The following CYB5A variants were observed in gnomAD, a reference collection of about 807,000 sequenced individuals.
The protein encoded by CYB5A is cytochrome b5 type A.
Under a neutral mutation model 16.2 loss-of-function variants are expected in CYB5A, and 10 were observed. The ratio of observed to expected loss-of-function variants is 0.62; its 90% CI spans 0.38 to 1.04. CYB5A has a LOEUF of 1.04. CYB5A is among the 50% of genes least tolerant of loss of function. CYB5A has a pLI of 0.01. For missense variants in CYB5A, 161 were observed against 165.9 expected, an observed-to-expected ratio of 0.97 and a Z score of 0.16; for synonymous variants, 62 against 57.0, an observed-to-expected ratio of 1.09 and a Z score of -0.40.
rs555355376 is a variant in CYB5A at position 74,284,252 on chromosome 18, A to AG, written c.129+7494_129+7495insC. On this transcript the variant is annotated intron_variant, in intron 1 of 4. Coordinates refer to ENST00000340533, the MANE Select transcript of CYB5A (RefSeq NM_148923.4). ...CATCTCCAAAAAAAAAAAAAAAAAA[A>AG]AGAGAGATTAAAAGCACAAACGCAA... 2.8e-4 allele frequency among the ~76,000 whole-genome samples: 42 copies of AG among 147,430 alleles called. No homozygotes were observed. In the East Asian group the frequency reaches 4.6e-3, roughly 16 times the overall value.
At chr18:74,286,343 C>G (rs1275482823) in intron 1 of CYB5A, among the ~76,000 whole-genome samples, 1 of 152,202 alleles carries the variant, frequency 6.6e-6, no homozygotes, top group Non-Finnish European at 1.5e-5. Context: ...CATTCCTGAA[C>G]AATTATATTT....
Position 74,253,534 on chromosome 18 carries a change from T to C in CYB5A, c.*50A>G. ...TGAAGTAGTTAGCAATGGCTTCTTT[T>C]CTCCCGTGTCCAAAGCAGGCTCTTC... is the stretch of plus-strand genomic sequence containing the variant. On this transcript the variant is annotated 3_prime_UTR_variant, in exon 5 of 5. Coordinates refer to ENST00000340533, the MANE Select transcript of CYB5A (RefSeq NM_148923.4). The C allele has an allele frequency of 8.2e-7, 1 of 1,226,010 alleles. No homozygotes were observed. Among genetic ancestry groups the C allele is most frequent in the Non-Finnish European group, 1.2e-6 (1 of 831,158 alleles). 75.9% of individuals were successfully genotyped at this position (1,226,010 alleles called of 1,614,324 possible). A position where few individuals can be genotyped will look rare whatever the true frequency, so the allele number is the denominator to read the frequency against.
intron 1 of CYB5A, among the ~76,000 whole-genome samples, chr18:74,277,408 A>C (rs1236258518): frequency 1.3e-5 from 2 of 152,166 alleles, no homozygotes; most frequent in African/African-American, 4.8e-5. Context: ...CATTTCACCT[A>C]GAAGGTCATG....
intron 1 of CYB5A, among the ~76,000 whole-genome samples, chr18:74,289,227 A>G (rs1983435833): frequency 6.6e-6 from 1 of 152,194 alleles, no homozygotes; most frequent in Non-Finnish European, 1.5e-5. Flanking sequence ...TTACCCACTC[A>G]AGAGCTTGCT....
At chr18:74,265,101 T>C (rs1332936616) in intron 1 of CYB5A, among the ~76,000 whole-genome samples, 1 of 152,238 alleles carries the variant, frequency 6.6e-6, no homozygotes, top group Non-Finnish European at 1.5e-5. Context: ...CTCCCAGTAA[T>C]GAAGACATCA....
intron 1 of CYB5A, among the ~76,000 whole-genome samples, chr18:74,265,979 A>C (rs148896638): frequency 6.6e-6 from 1 of 152,330 alleles, no homozygotes; most frequent in East Asian, 1.9e-4. Context: ...TCAGTCACTA[A>C]GTATTCTTCC....
intron 1 of CYB5A, among the ~76,000 whole-genome samples, chr18:74,276,528 GCACACACACACA>G (rs57747358): frequency 4.8e-5 from 7 of 144,940 alleles, no homozygotes; most frequent in African/African-American, 1.8e-4. Flanking sequence ...AAAAGATTCA[GCACACACACACA>G]CACACACACA....
intron 1 of CYB5A, among the ~76,000 whole-genome samples, chr18:74,265,713 G>A (rs926218425): frequency 6.6e-6 from 1 of 152,302 alleles, no homozygotes; most frequent in East Asian, 1.9e-4. Flanking sequence ...GTGAGGCCTC[G>A]GGAAGCTTTT....
intron 3 of CYB5A, chr18:74,256,630 G>C: frequency 1.7e-6 from 1 of 584,268 alleles, no homozygotes; most frequent in Non-Finnish European, 3.0e-6. Flanking sequence ...ATAAGCATTA[G>C]GGCCTCAAAC....
intron 3 of CYB5A, chr18:74,256,874 AG>A: frequency 5.0e-6 from 8 of 1,612,252 alleles, no homozygotes; most frequent in Non-Finnish European, 6.8e-6. Context: ...AGGGGAAAAA[AG>A]GTAAGTCATT....
chr18:74,288,817 A>C (rs1171858584), intron 1 of CYB5A, among the ~76,000 whole-genome samples: 2 of 152,222 alleles, frequency 1.3e-5, no homozygotes, highest in African/African-American at 4.8e-5. Context: ...CAGGACATGC[A>C]ATAAGCAAGA....
Position 74,291,914 on chromosome 18 carries a change from C to G in CYB5A, c.-39G>C, listed in dbSNP as rs763457593. 7 of 1,606,834 alleles carry G rather than the reference C, an allele frequency of 4.4e-6. No individual in the cohort carries two copies. Among genetic ancestry groups the G allele is most frequent in the African/African-American group, 2.7e-5 (2 of 74,864 alleles). On this transcript the variant is annotated 5_prime_UTR_variant, in exon 1 of 5. Transcript: ENST00000340533. The stretch of plus-strand genomic sequence containing the variant: ...GAGCCAGGCCCAGCACACACAGCCC[C>G]GTCGGGTGGAGCAGAGCGCGCGACT...
chr18:74,275,558 T>A (rs1029640569), intron 1 of CYB5A, among the ~76,000 whole-genome samples: 2 of 152,130 alleles, frequency 1.3e-5, no homozygotes, highest in Admixed American at 1.3e-4. Context: ...TATTAGAGGA[T>A]CTCCTGAGCC....
chr18:74,288,405 T>C (rs918007956), intron 1 of CYB5A, among the ~76,000 whole-genome samples: 2 of 152,234 alleles, frequency 1.3e-5, no homozygotes, highest in Non-Finnish European at 2.9e-5. Context: ...TAGCCCATAA[T>C]GACTGAAAGT....
intron 1 of CYB5A, among the ~76,000 whole-genome samples, chr18:74,281,812 GGA>G (rs1983121901): frequency 6.9e-6 from 1 of 144,468 alleles, no homozygotes; most frequent in Non-Finnish European, 1.5e-5. Flanking sequence ...TGTTTTTGCA[GGA>G]GAGGAGGGTG....
At chr18:74,278,363 C>T (rs574701699) in intron 1 of CYB5A, among the ~76,000 whole-genome samples, 5 of 152,332 alleles carry the variant, frequency 3.3e-5, no homozygotes, top group African/African-American at 9.6e-5. Context: ...AATTAATTAG[C>T]AGACTCCGTG....
Position 74,262,928 on chromosome 18 carries a change from T to C in CYB5A, c.258+421A>G, listed in dbSNP as rs564610488. Among the ~76,000 whole-genome samples the C allele has an allele frequency of 4.6e-3, 697 of 152,108 alleles. 6 individuals carry two copies. The highest frequency in any genetic ancestry group is 0.013 in the South Asian group (62 of 4,816). On this transcript the variant is annotated intron_variant, in intron 2 of 4. Coordinates refer to ENST00000340533, the MANE Select transcript of CYB5A (RefSeq NM_148923.4). ...ACTTTGAGAGGCCGAGGTGGGTGGA[T>C]CGCTTGAGTCCAGGAGTTTGAGACC...
In CYB5A at chr18:74,264,247, C is replaced by T. The variant is rs114662893; in HGVS notation, c.130-770G>A. Among the ~76,000 whole-genome samples the T allele has an allele frequency of 5.5e-3, 831 of 150,182 alleles. 6 individuals carry two copies. The highest frequency in any genetic ancestry group is 0.019 in the African/African-American group (782 of 41,092). On this transcript the variant is annotated intron_variant, in intron 1 of 4. Coordinates refer to ENST00000340533, the MANE Select transcript of CYB5A (RefSeq NM_148923.4). Reference sequence around the variant, plus strand: ...AAAAAGAGAGCGAGAAAGAAAGAACCTTTCACTAACAACATAAGTTGCTTC... The same window carrying T: ...AAAAAGAGAGCGAGAAAGAAAGAACTTTTCACTAACAACATAAGTTGCTTC...
At chr18:74,264,801 A>G (rs1982369687) in intron 1 of CYB5A, among the ~76,000 whole-genome samples, 1 of 152,090 alleles carries the variant, frequency 6.6e-6, no homozygotes. Flanking sequence ...CAGGGAGGGA[A>G]ATTTTTTCTC....
Sources: gnomAD v4.1 joint callset for allele counts (sites outside exome capture counted in the v4.1 genomes callset) on GRCh38, gnomAD v4.1.1 for gene constraint, MANE v1.5 for transcripts, NCBI Gene and HGNC (gene_info 2026-07-23, HGNC 2026-07-21) for gene names.